ACACA: variants seen among roughly 807,000 people sequenced by gnomAD.
ACACA encodes the protein acetyl-CoA carboxylase alpha, also known as acetyl-CoA carboxylase 1.
In ACACA, 103 loss-of-function variants were observed where a neutral mutation model predicts 296.1. The ratio of observed to expected loss-of-function variants is 0.35; its 90% CI spans 0.30 to 0.41. The LOEUF (loss-of-function observed/expected upper bound fraction) is 0.41, where lower values mean the gene tolerates loss of function less well. Ranked by LOEUF, ACACA falls within the 10% of genes least tolerant of loss-of-function variation. The pLI is 1.00. For synonymous variants in ACACA, 953 were observed against 1,038.6 expected, an observed-to-expected ratio of 0.92 and a Z score of 1.58; for missense variants, 1,554 against 2,989.7, an observed-to-expected ratio of 0.52 and a Z score of 11.20.
intron 5 of ACACA, among the ~76,000 whole-genome samples, chr17:37,279,199 A>C (rs1316045904): frequency 6.6e-6 from 1 of 152,248 alleles, no homozygotes; most frequent in East Asian, 1.9e-4. Context: ...CCTTCTAAAA[A>C]AAATTCTACT....
intron 43 of ACACA, among the ~76,000 whole-genome samples, chr17:37,155,285 A>G (rs978638269): frequency 6.6e-6 from 1 of 152,272 alleles, no homozygotes; most frequent in South Asian, 2.1e-4. Context: ...TTCCCCAAAA[A>G]TAGTTTTTAG....
chr17:37,177,269 CGTGTGTGTGTGTGTGT>C (rs112439511), intron 41 of ACACA, among the ~76,000 whole-genome samples: 5 of 146,426 alleles, frequency 3.4e-5, no homozygotes, highest in Admixed American at 6.8e-5. Flanking sequence ...TTAAAAAATT[CGTGTGTGTGTGTGTGT>C]GTGTGTGTGT....
chr17:37,171,450 A>C (rs1013339230), intron 41 of ACACA, among the ~76,000 whole-genome samples: 1 of 152,212 alleles, frequency 6.6e-6, no homozygotes, highest in African/African-American at 2.4e-5. Flanking sequence ...TCAGCTCTTA[A>C]GAAAATTATT....
intron 1 of ACACA, among the ~76,000 whole-genome samples, chr17:37,347,181 G>A (rs2048665149): frequency 6.6e-6 from 1 of 152,044 alleles, no homozygotes; most frequent in Non-Finnish European, 1.5e-5. Context: ...GAGTTCTGAT[G>A]GTTTTAAAAA....
At chr17:37,302,605 T>C (rs1402452443) in intron 3 of ACACA, among the ~76,000 whole-genome samples, 1 of 152,238 alleles carries the variant, frequency 6.6e-6, no homozygotes, top group Non-Finnish European at 1.5e-5. Flanking sequence ...TTTTATTTAA[T>C]TTCTGTCAGC....
At chr17:37,235,129 C>T in intron 24 of ACACA, 30 bp from the exon 25 acceptor site, 5 of 1,611,854 alleles carry the variant, frequency 3.1e-6, no homozygotes, top group East Asian at 2.2e-5. Context: ...CTGGTTCTCA[C>T]CCATGTATAA....
At chr17:37,268,168 C>G (rs2081880570) in intron 10 of ACACA, among the ~76,000 whole-genome samples, 1 of 152,114 alleles carries the variant, frequency 6.6e-6, no homozygotes, top group Admixed American at 6.5e-5. Flanking sequence ...CTCTGTGGGT[C>G]TGTTTCTACT....
intron 3 of ACACA, among the ~76,000 whole-genome samples, chr17:37,320,348 T>A (rs945077491): frequency 6.6e-6 from 1 of 151,258 alleles, no homozygotes; most frequent in African/African-American, 2.4e-5. Flanking sequence ...CTGTCTCTAC[T>A]AAAAAAACAA....
intron 3 of ACACA, among the ~76,000 whole-genome samples, chr17:37,313,892 A>T (rs1374559537): frequency 6.6e-6 from 1 of 152,166 alleles, no homozygotes; most frequent in Non-Finnish European, 1.5e-5. Flanking sequence ...TATTGAAGAG[A>T]TATCTACACT....
chr17:37,178,633 C>G (rs1170323210), intron 41 of ACACA, among the ~76,000 whole-genome samples: 1 of 151,818 alleles, frequency 6.6e-6, no homozygotes, highest in East Asian at 1.9e-4. Flanking sequence ...AACCCCATCT[C>G]AAGAAAAAAA....
rs1303677525 is a variant in ACACA at position 37,111,650 on chromosome 17, CAGAA to C, written c.6453-11_6453-8del. On this transcript the variant is annotated splice_region_variant and splice_polypyrimidine_tract_variant and intron_variant, in intron 51 of 55. Transcript: ENST00000616317. ...TGGCTCCAGAACAGATCCCCTGGAT[CAGAA>C]AGAAAGAAAAAACAAAACAGAAATA... The C allele has an allele frequency of 2.1e-5, 33 of 1,608,042 alleles. No individual in the cohort carries two copies. Among genetic ancestry groups the C allele is most frequent in the Non-Finnish European group, 2.6e-5 (31 of 1,174,756 alleles).
intron 39 of ACACA, among the ~76,000 whole-genome samples, chr17:37,186,113 C>T (rs1411371079): frequency 6.6e-6 from 1 of 152,186 alleles, no homozygotes; most frequent in African/African-American, 2.4e-5. Context: ...CCTGAATACT[C>T]AACTATCTAT....
intron 29 of ACACA, among the ~76,000 whole-genome samples, chr17:37,212,033 A>C (rs143357238): frequency 3.9e-5 from 6 of 152,310 alleles, no homozygotes; most frequent in African/African-American, 1.4e-4. Context: ...GATGCTAATG[A>C]GAATAGTTTT....
At chr17:37,379,124 C>T in intron 1 of ACACA, 2 of 1,608,302 alleles carry the variant, frequency 1.2e-6, no homozygotes, top group South Asian at 1.1e-5. Flanking sequence ...CTATCTGGTT[C>T]TTCTCCTTCC....
intron 50 of ACACA, among the ~76,000 whole-genome samples, chr17:37,115,430 A>G (rs1193038539): frequency 6.6e-6 from 1 of 152,214 alleles, no homozygotes; most frequent in Non-Finnish European, 1.5e-5. Context: ...TCATACAAAG[A>G]GAGGAAATGA....
chr17:37,326,938 A>G (rs1277239261), intron 3 of ACACA, among the ~76,000 whole-genome samples: 2 of 152,162 alleles, frequency 1.3e-5, no homozygotes, highest in African/African-American at 4.8e-5. Context: ...TCTATTTTCT[A>G]TTTGGGCTCA....
At chr17:37,358,422 A>C (rs1221003998) in intron 1 of ACACA, among the ~76,000 whole-genome samples, 1 of 152,250 alleles carries the variant, frequency 6.6e-6, no homozygotes, top group Non-Finnish European at 1.5e-5. Context: ...CCTCGCAGAG[A>C]ACATAATAAA....
At chr17:37,254,782 G>A (rs2542654) in intron 14 of ACACA, among the ~76,000 whole-genome samples, 18,730 of 151,282 alleles carry the variant, frequency 0.12, 1,787 homozygotes, top group East Asian at 0.45. Flanking sequence ...TCAGGAATTC[G>A]AGACCAGCCT....
At chr17:37,338,361 C>G (rs1390389476) in intron 2 of ACACA, among the ~76,000 whole-genome samples, 2 of 151,916 alleles carry the variant, frequency 1.3e-5, no homozygotes, top group African/African-American at 4.8e-5. Flanking sequence ...AACCCCATCT[C>G]TACTAAAAAT....
Sources: gnomAD v4.1 joint callset for allele counts (sites outside exome capture counted in the v4.1 genomes callset) on GRCh38, gnomAD v4.1.1 for gene constraint, MANE v1.5 for transcripts, NCBI Gene and HGNC (gene_info 2026-07-23, HGNC 2026-07-21) for gene names.